The following ZNF423 variants were observed in gnomAD, a reference collection of about 807,000 sequenced individuals.
ZNF423 encodes zinc finger protein 423.
ZNF423 carries 12 observed loss-of-function variants against 95.8 expected under a neutral mutation model. That is an observed-to-expected ratio of 0.13 (90% CI 0.08 to 0.20). The LOEUF is 0.20. Ranked by LOEUF, ZNF423 falls within the 10% of genes least tolerant of loss-of-function variation. ZNF423 has a pLI of 1.00. For missense variants in ZNF423, 1,316 were observed against 1,737.1 expected (o/e 0.76, Z 4.31); for synonymous variants, 749 against 711.9 (o/e 1.05, Z -0.83).
intron 5 of ZNF423, among the ~76,000 whole-genome samples, chr16:49,623,753 C>T (rs932618462): frequency 1.3e-5 from 2 of 152,168 alleles, no homozygotes; most frequent in African/African-American, 2.4e-5. Context: ...CCCCACTCTC[C>T]GCCAGGTGAG....
chr16:49,699,387 A>C (rs2032092552), intron 3 of ZNF423, among the ~76,000 whole-genome samples: 1 of 152,172 alleles, frequency 6.6e-6, no homozygotes, highest in Non-Finnish European at 1.5e-5. Flanking sequence ...CGGCCAAAAC[A>C]TCTAGATCTA....
At chr16:49,658,611 G>T (rs2030021885) in intron 3 of ZNF423, among the ~76,000 whole-genome samples, 1 of 152,258 alleles carries the variant, frequency 6.6e-6, no homozygotes, top group South Asian at 2.1e-4. Flanking sequence ...ATCAGGCCTG[G>T]GGAAGGCTCT....
rs532015516 is a variant in ZNF423, at chr16:49,649,035, C to G, written c.302-10161G>C. 6.7e-4 allele frequency among the ~76,000 whole-genome samples: 102 copies of G among 152,216 alleles called. No individual in the cohort carries two copies. The South Asian group carries it at 0.02, about 30-fold the overall frequency. ...AAAGTTTATACTGACAGAAACACTGCCAGCTTAAACCAAAAAGGACAGAGA... is the reference window on the plus strand; with the variant it reads ...AAAGTTTATACTGACAGAAACACTGGCAGCTTAAACCAAAAAGGACAGAGA... On this transcript the variant is annotated intron_variant, in intron 3 of 7. Transcript: ENST00000563137.
At chr16:49,833,788 G>T (rs566318993) in intron 1 of ZNF423, among the ~76,000 whole-genome samples, 1 of 151,822 alleles carries the variant, frequency 6.6e-6, no homozygotes, top group Admixed American at 6.6e-5. Context: ...CAGGGATTTC[G>T]TGGGAAGGGA....
At chr16:49,585,340 C>T (rs1198575630) in intron 5 of ZNF423, among the ~76,000 whole-genome samples, 1 of 152,182 alleles carries the variant, frequency 6.6e-6, no homozygotes, top group Non-Finnish European at 1.5e-5. Context: ...GAGCAGCCCA[C>T]ACCTTCCCTC....
intron 1 of ZNF423, among the ~76,000 whole-genome samples, chr16:49,828,722 CTGTG>C (rs1222860908): frequency 6.6e-6 from 1 of 152,244 alleles, no homozygotes; most frequent in Non-Finnish European, 1.5e-5. Context: ...CAGGCGAGTC[CTGTG>C]TGGATCCTTG....
At chr16:49,494,242 T>A (rs117894683) in intron 7 of ZNF423, among the ~76,000 whole-genome samples, 3,731 of 152,308 alleles carry the variant, frequency 0.024, 64 homozygotes, top group Middle Eastern at 0.051. Context: ...AGCAGGGGGC[T>A]CTGAGGTTAC....
At chr16:49,666,237 T>C (rs2030538477) in intron 3 of ZNF423, among the ~76,000 whole-genome samples, 1 of 152,190 alleles carries the variant, frequency 6.6e-6, no homozygotes, top group South Asian at 2.1e-4. Flanking sequence ...ACAAAGAGTG[T>C]TTTAACCCGC....
chr16:49,580,413 C>T (rs1970635169), intron 5 of ZNF423, among the ~76,000 whole-genome samples: 1 of 152,194 alleles, frequency 6.6e-6, no homozygotes, highest in African/African-American at 2.4e-5. Context: ...TTCCCATCAA[C>T]ACAGTAAACT....
intron 5 of ZNF423, among the ~76,000 whole-genome samples, chr16:49,555,148 T>C (rs1193542797): frequency 6.6e-6 from 1 of 152,098 alleles, no homozygotes; most frequent in Non-Finnish European, 1.5e-5. Context: ...CTAGGATTTT[T>C]CCCCCTAAAA....
intron 3 of ZNF423, among the ~76,000 whole-genome samples, chr16:49,649,807 A>C (rs1052162524): frequency 2.0e-5 from 3 of 152,210 alleles, no homozygotes; most frequent in African/African-American, 7.2e-5. Context: ...GAAAGGGATG[A>C]GGCTATTGGA....
chr16:49,556,155 A>T (rs1307615506), intron 5 of ZNF423, among the ~76,000 whole-genome samples: 1 of 152,210 alleles, frequency 6.6e-6, no homozygotes, highest in African/African-American at 2.4e-5. Flanking sequence ...TGTGGACAGT[A>T]GAGAATTTAA....
intron 1 of ZNF423, among the ~76,000 whole-genome samples, chr16:49,825,016 A>G (rs2034990433): frequency 6.6e-6 from 1 of 152,248 alleles, no homozygotes; most frequent in Non-Finnish European, 1.5e-5. Context: ...TCCTCTAGAC[A>G]ATACATTTAA....
intron 1 of ZNF423, among the ~76,000 whole-genome samples, chr16:49,836,393 TAGTC>T (rs1414009878): frequency 6.6e-6 from 1 of 151,704 alleles, no homozygotes; most frequent in East Asian, 2.0e-4. Flanking sequence ...AAGGGGGACT[TAGTC>T]ACCAGCTGGG....
chr16:49,763,040 G>A (rs2033861065), intron 2 of ZNF423, among the ~76,000 whole-genome samples: 1 of 151,824 alleles, frequency 6.6e-6, no homozygotes, highest in African/African-American at 2.4e-5. Context: ...GCTAATTTCT[G>A]TATTTTTAGT....
At chr16:49,674,075 G>A (rs996809364) in intron 3 of ZNF423, among the ~76,000 whole-genome samples, 1 of 152,216 alleles carries the variant, frequency 6.6e-6, no homozygotes, top group African/African-American at 2.4e-5. Flanking sequence ...GGCACTCTGA[G>A]AACAAAAATT....
intron 3 of ZNF423, among the ~76,000 whole-genome samples, chr16:49,675,461 AC>A (rs1011540359): frequency 6.6e-6 from 1 of 152,066 alleles, no homozygotes; most frequent in East Asian, 1.9e-4. Context: ...CTGGGGGTGA[AC>A]TGCCCCACCC....
chr16:49,598,468 G>C (rs1759218162), intron 5 of ZNF423, among the ~76,000 whole-genome samples: 1 of 152,270 alleles, frequency 6.6e-6, no homozygotes, highest in South Asian at 2.1e-4. Flanking sequence ...GGGGGCAGAA[G>C]CAGTGAAGGG....
At chr16:49,648,983 T>A (rs755304974) in intron 3 of ZNF423, among the ~76,000 whole-genome samples, 1 of 152,078 alleles carries the variant, frequency 6.6e-6, no homozygotes, top group African/African-American at 2.4e-5. Flanking sequence ...ACCCATGACA[T>A]ACACAGGAGA....
Sources: gnomAD v4.1 joint callset for allele counts (sites outside exome capture counted in the v4.1 genomes callset) on GRCh38, gnomAD v4.1.1 for gene constraint, MANE v1.5 for transcripts, NCBI Gene and HGNC (gene_info 2026-07-23, HGNC 2026-07-21) for gene names.